Variants in NRG1 observed in about 807,000 individuals in gnomAD.
The protein encoded by NRG1 is pro-neuregulin-1, membrane-bound isoform.
Under a neutral mutation model 63.8 loss-of-function variants are expected in NRG1, and 18 were observed. The ratio of observed to expected loss-of-function variants is 0.28; its 90% CI spans 0.19 to 0.42. NRG1 has a LOEUF of 0.42. NRG1 is among the 10% of genes least tolerant of loss of function. The probability of loss-of-function intolerance (pLI) is 1.00; values close to 1 mark genes in which losing one functional copy is unlikely to be tolerated. For missense variants in NRG1, 762 were observed against 814.7 expected (o/e 0.94, Z 0.79); for synonymous variants, 302 against 301.3 (o/e 1.00, Z -0.02).
intron 1 of NRG1, among the ~76,000 whole-genome samples, chr8:32,087,665 T>C (rs1445029615): frequency 5.3e-5 from 8 of 151,926 alleles, no homozygotes; most frequent in African/African-American, 1.9e-4. Context: ...GAGACAGGGT[T>C]TCACCATATT....
intron 1 of NRG1, among the ~76,000 whole-genome samples, chr8:32,297,465 T>C (rs1228419225): frequency 2.0e-5 from 3 of 151,822 alleles, no homozygotes; most frequent in Non-Finnish European, 4.4e-5. Context: ...AGTATATGAA[T>C]AGGTAGCAAC....
At chr8:32,405,723 A>G (rs1047199473) in intron 1 of NRG1, among the ~76,000 whole-genome samples, 2 of 152,202 alleles carry the variant, frequency 1.3e-5, no homozygotes, top group African/African-American at 4.8e-5. Flanking sequence ...TCAGTTTACA[A>G]TCATGAGTAT....
At chr8:31,688,060 C>T (rs1205091028) in intron 1 of NRG1, among the ~76,000 whole-genome samples, 1 of 152,198 alleles carries the variant, frequency 6.6e-6, no homozygotes, top group East Asian at 1.9e-4. Context: ...CCTTAACCTT[C>T]ACAAAAGCTT....
In NRG1 at chr8:32,455,351, A is replaced by C. The variant is rs577660536; in HGVS notation, c.38-140477A>C. Among the ~76,000 whole-genome samples the C allele has an allele frequency of 3.3e-5, 5 of 152,314 alleles. No homozygotes were observed. The East Asian group carries it at 9.6e-4, about 29-fold the overall frequency. ...CTAAACCATCCTTTTTATGCCTATA[A>C]ATAAAGGATTTGTACTATATCAAGA... On this transcript the variant is annotated intron_variant, in intron 1 of 10. Coordinates refer to the NRG1 transcript ENST00000519301.
chr8:32,645,103 A>G (rs763458813), intron 5 of NRG1, among the ~76,000 whole-genome samples: 2 of 152,204 alleles, frequency 1.3e-5, no homozygotes, highest in Non-Finnish European at 2.9e-5. Context: ...AAATTACCCT[A>G]GTTTAGCATA....
intron 1 of NRG1, among the ~76,000 whole-genome samples, chr8:32,404,830 C>A (rs1404100819): frequency 1.3e-5 from 2 of 152,134 alleles, no homozygotes; most frequent in Non-Finnish European, 2.9e-5. Flanking sequence ...AGTGATCCAC[C>A]TGCCTTGGCC....
intron 5 of NRG1, among the ~76,000 whole-genome samples, chr8:32,710,180 G>A (rs916891698): frequency 6.6e-6 from 1 of 152,134 alleles, no homozygotes; most frequent in Non-Finnish European, 1.5e-5. Context: ...TCTTGTGTGT[G>A]ATTTGCATGT....
chr8:32,501,316 T>G (rs1369196563), intron 1 of NRG1, among the ~76,000 whole-genome samples: 1 of 152,222 alleles, frequency 6.6e-6, no homozygotes, highest in African/African-American at 2.4e-5. Flanking sequence ...TCTAGGAATT[T>G]TATATGATTT....
chr8:32,764,422 A>T (rs997387221), exon 12 of NRG1: 3 of 1,510,408 alleles, frequency 2.0e-6, no homozygotes, highest in African/African-American at 1.4e-5. Context: ...AAACACATAG[A>T]TTCACCTGTA....
intron 1 of NRG1, among the ~76,000 whole-genome samples, chr8:32,484,453 A>G (rs1044607237): frequency 2.4e-4 from 37 of 152,370 alleles, no homozygotes; most frequent in Non-Finnish European, 3.7e-4. Flanking sequence ...ACATTCAGAA[A>G]ATAGAGAAGT....
chr8:32,424,820 A>T (rs1019354369), intron 1 of NRG1, among the ~76,000 whole-genome samples: 3 of 152,196 alleles, frequency 2.0e-5, no homozygotes, highest in Non-Finnish European at 4.4e-5. Context: ...ATGATCTGCC[A>T]CTGCACTCCA....
exon 12 of NRG1, chr8:32,764,695 T>G (rs997273061): frequency 4.5e-6 from 1 of 221,640 alleles, no homozygotes. Context: ...CTGCAAAACC[T>G]CTCATAGATT....
At chr8:32,279,392 C>G (rs558752412) in intron 1 of NRG1, among the ~76,000 whole-genome samples, 1 of 152,162 alleles carries the variant, frequency 6.6e-6, no homozygotes, top group Non-Finnish European at 1.5e-5. Context: ...CTCACTCTGT[C>G]GCCAGGCTGG....
intron 1 of NRG1, among the ~76,000 whole-genome samples, chr8:32,503,288 G>GAAAAAAAAAAA (rs60857610): frequency 7.3e-5 from 4 of 54,856 alleles, no homozygotes; most frequent in Non-Finnish European, 1.4e-4. Context: ...CTCTGTCTCA[G>GAAAAAAAAAAA]AAAAAAAAAA....
chr8:31,746,553 C>T (rs547143988), intron 1 of NRG1, among the ~76,000 whole-genome samples: 1 of 152,054 alleles, frequency 6.6e-6, no homozygotes, highest in African/African-American at 2.4e-5. Context: ...TCTTGCTCTA[C>T]AGGTAGGCCC....
chr8:32,069,022 G>T (rs1014468783), intron 1 of NRG1, among the ~76,000 whole-genome samples: 1 of 152,168 alleles, frequency 6.6e-6, no homozygotes, highest in Non-Finnish European at 1.5e-5. Context: ...CATGAGGAAT[G>T]GTATCAGGAA....
intron 1 of NRG1, among the ~76,000 whole-genome samples, chr8:31,936,373 C>G (rs969511788): frequency 1.3e-5 from 2 of 152,130 alleles, no homozygotes; most frequent in African/African-American, 4.8e-5. Flanking sequence ...TTAGAAAGTG[C>G]TATACATAAT....
chr8:31,724,133 T>A (rs1429316671), intron 1 of NRG1, among the ~76,000 whole-genome samples: 1 of 152,124 alleles, frequency 6.6e-6, no homozygotes, highest in Non-Finnish European at 1.5e-5. Flanking sequence ...ATGACTGTCA[T>A]ACCAGTTTCA....
chr8:32,763,436 G>T, intron 11 of NRG1: 1 of 1,454,312 alleles, frequency 6.9e-7, no homozygotes. Flanking sequence ...GAGGTTTCCA[G>T]GACCTAATGC....
Sources: gnomAD v4.1 joint callset for allele counts (sites outside exome capture counted in the v4.1 genomes callset) on GRCh38, gnomAD v4.1.1 for gene constraint, MANE v1.5 for transcripts, NCBI Gene and HGNC (gene_info 2026-07-23, HGNC 2026-07-21) for gene names.